Variants in PDE4D observed in about 807,000 individuals in gnomAD.
PDE4D encodes phosphodiesterase 4D, also known as 3',5'-cyclic-AMP phosphodiesterase 4D.
PDE4D carries 24 observed loss-of-function variants against 87.4 expected under a neutral mutation model. The observed-to-expected ratio is 0.27, with a 90% CI of 0.20 to 0.39. PDE4D has a LOEUF of 0.39. Ranked by LOEUF, PDE4D falls within the 10% of genes least tolerant of loss-of-function variation. PDE4D has a pLI of 1.00. For synonymous variants in PDE4D, 384 were observed against 383.2 expected (o/e 1.00, Z -0.02); for missense variants, 714 against 1,041.0 (o/e 0.69, Z 4.32).
At position 58,991,877 on chromosome 5, in the gene PDE4D, GA is replaced by G. The variant is rs1166424802; in HGVS notation, c.1142del (p.Ile381ThrfsTer18). 6.4e-7 allele frequency: 1 copy of G among 1,569,030 alleles called. No homozygotes were observed. The highest frequency in any genetic ancestry group is 1.9e-5 in the Admixed American group (1 of 53,840). On this transcript the variant is annotated frameshift_variant, in exon 8 of 15. Coordinates refer to ENST00000340635, the MANE Select transcript of PDE4D (RefSeq NM_001104631.2). LOFTEE classifies it high-confidence loss of function. ...MHSSSLTNSS[I>X]PRFGVKTEQE... Reference sequence around the variant, plus strand: ...GTTCAGTTTTAACTCCAAACCTTGGGATACTTGAATTAGTCAGACTAGAGCT... The same window carrying G: ...GTTCAGTTTTAACTCCAAACCTTGGGTACTTGAATTAGTCAGACTAGAGCT...
intron 1 of PDE4D, among the ~76,000 whole-genome samples, chr5:60,356,328 T>C (rs1013221576): frequency 1.3e-5 from 2 of 152,190 alleles, no homozygotes; most frequent in South Asian, 2.1e-4. Context: ...AAGATGAAAA[T>C]GTAGCATTTT....
intron 1 of PDE4D, among the ~76,000 whole-genome samples, chr5:60,380,981 G>A (rs1429164289): frequency 6.6e-6 from 1 of 152,126 alleles, no homozygotes; most frequent in African/African-American, 2.4e-5. Context: ...AAATCTAGGT[G>A]GCTCAAGCCC....
At chr5:59,635,306 G>A (rs1253334599) in intron 1 of PDE4D, among the ~76,000 whole-genome samples, 2 of 152,084 alleles carry the variant, frequency 1.3e-5, no homozygotes, top group African/African-American at 4.8e-5. Context: ...TTCTACCAGA[G>A]GTACAAAGAG....
chr5:59,975,672 A>G (rs1032305631), intron 3 of PDE4D, among the ~76,000 whole-genome samples: 1 of 152,220 alleles, frequency 6.6e-6, no homozygotes, highest in South Asian at 2.1e-4. Context: ...AGCATACTGG[A>G]AAATATTACA....
intron 2 of PDE4D, among the ~76,000 whole-genome samples, chr5:60,060,300 C>T (rs904713321): frequency 1.3e-5 from 2 of 152,018 alleles, no homozygotes; most frequent in Admixed American, 6.6e-5. Flanking sequence ...TTGATTTATC[C>T]TCTTCCATCT....
At chr5:59,632,647 C>G (rs1831720861) in intron 1 of PDE4D, among the ~76,000 whole-genome samples, 2 of 152,156 alleles carry the variant, frequency 1.3e-5, no homozygotes, top group African/African-American at 4.8e-5. Context: ...AGGGGTCTGA[C>G]TGCTAGAAGG....
chr5:59,748,533 C>G (rs1759961608), intron 1 of PDE4D, among the ~76,000 whole-genome samples: 1 of 151,688 alleles, frequency 6.6e-6, no homozygotes, highest in Non-Finnish European at 1.5e-5. Flanking sequence ...CCATCATTCT[C>G]AGCAAACTAT....
chr5:60,104,605 G>A (rs1386708095), intron 2 of PDE4D, among the ~76,000 whole-genome samples: 9 of 152,172 alleles, frequency 5.9e-5, no homozygotes, highest in Non-Finnish European at 8.8e-5. Context: ...TAACTGGGAG[G>A]CACCCACCAG....
chr5:59,690,071 C>T (rs1376251304), intron 1 of PDE4D, among the ~76,000 whole-genome samples: 10 of 152,032 alleles, frequency 6.6e-5, no homozygotes, highest in Non-Finnish European at 1.5e-4. Context: ...TAAAAGAGGA[C>T]ACAAACAAAT....
intron 3 of PDE4D, among the ~76,000 whole-genome samples, chr5:59,976,715 A>G (rs1337325069): frequency 6.6e-6 from 1 of 152,180 alleles, no homozygotes; most frequent in Non-Finnish European, 1.5e-5. Context: ...TACCAATTGA[A>G]TATTGTGGCA....
At chr5:59,666,349 C>A (rs1561435698) in intron 1 of PDE4D, among the ~76,000 whole-genome samples, 1 of 152,170 alleles carries the variant, frequency 6.6e-6, no homozygotes, top group Admixed American at 6.5e-5. Context: ...AAGACTAATT[C>A]TACCATTCCC....
intron 1 of PDE4D, among the ~76,000 whole-genome samples, chr5:59,395,450 T>G (rs1369242551): frequency 2.6e-5 from 4 of 152,176 alleles, no homozygotes; most frequent in Non-Finnish European, 5.9e-5. Context: ...GCAGCCTAAC[T>G]GGGAGGCTCC....
rs1783955928 is a variant in PDE4D, at chr5:60,176,903, C to T, written c.42+8654G>A. 2.6e-5 allele frequency among the ~76,000 whole-genome samples: 4 copies of T among 151,996 alleles called. No homozygotes were observed. In the South Asian group the frequency reaches 8.3e-4, roughly 32 times the overall value. On this transcript the variant is annotated intron_variant, in intron 2 of 16. Transcript: ENST00000502484. ...GAATAAGGCGTTTCTCCTGGCTTTC[C>T]TGGAGTAAAGGGCCTGGAAACCATG...
At chr5:59,935,764 T>C (rs533266872) in intron 3 of PDE4D, among the ~76,000 whole-genome samples, 2 of 152,276 alleles carry the variant, frequency 1.3e-5, no homozygotes, top group African/African-American at 4.8e-5. Context: ...ACTTCATCCA[T>C]GTCCCTACAA....
intron 1 of PDE4D, among the ~76,000 whole-genome samples, chr5:59,636,162 T>G (rs1164264026): frequency 6.6e-6 from 1 of 152,114 alleles, no homozygotes; most frequent in Non-Finnish European, 1.5e-5. Context: ...TACCTACGAA[T>G]ACAACTTACA....
At chr5:59,389,942 G>A (rs1787907278) in intron 1 of PDE4D, among the ~76,000 whole-genome samples, 1 of 152,114 alleles carries the variant, frequency 6.6e-6, no homozygotes, top group Admixed American at 6.6e-5. Flanking sequence ...ACACAGAAAG[G>A]TGACTATAGC....
intron 3 of PDE4D, among the ~76,000 whole-genome samples, chr5:59,910,330 C>T (rs1397732246): frequency 6.6e-6 from 1 of 152,180 alleles, no homozygotes; most frequent in Non-Finnish European, 1.5e-5. Context: ...ACAAGATTGA[C>T]AAAGTCTCTA....
intron 2 of PDE4D, among the ~76,000 whole-genome samples, chr5:60,106,361 G>C (rs1776914441): frequency 6.6e-6 from 1 of 151,470 alleles, no homozygotes; most frequent in South Asian, 2.1e-4. Flanking sequence ...CATAAAGCAA[G>C]TCCTGAGTGA....
At chr5:59,498,795 C>T (rs1416567514) in intron 1 of PDE4D, among the ~76,000 whole-genome samples, 1 of 152,014 alleles carries the variant, frequency 6.6e-6, no homozygotes, top group African/African-American at 2.4e-5. Context: ...TGCTTATAGA[C>T]CTATGAAAAG....
Sources: gnomAD v4.1 joint callset for allele counts (sites outside exome capture counted in the v4.1 genomes callset) on GRCh38, gnomAD v4.1.1 for gene constraint, MANE v1.5 for transcripts, NCBI Gene and HGNC (gene_info 2026-07-23, HGNC 2026-07-21) for gene names.